YRDC: variants seen among roughly 807,000 people sequenced by gnomAD.
YRDC encodes the protein threonylcarbamoyl-AMP synthase.
Under a neutral mutation model 21.5 loss-of-function variants are expected in YRDC, and 17 were observed. That is an observed-to-expected ratio of 0.79 (90% CI 0.54 to 1.19). The LOEUF is 1.19. Among genes scored for constraint, YRDC ranks in the 50% most tolerant of loss-of-function variants. The pLI is 0.00. For synonymous variants in YRDC, 193 were observed against 176.7 expected (o/e 1.09, Z -0.73); for missense variants, 380 against 397.1 (o/e 0.96, Z 0.37).
Position 37,804,302 on chromosome 1 carries a change from C to A in YRDC, c.767G>T (p.Cys256Phe). 1 of 1,612,740 alleles carries A rather than the reference C, an allele frequency of 6.2e-7. No individual in the cohort carries two copies. Among genetic ancestry groups the A allele is most frequent in the Non-Finnish European group, 8.5e-7 (1 of 1,178,960 alleles). ...PGKFGIIRPG[C>F]ALESTTAILQ... ...CCCACACCACAGGAAAGAGACTTACCAGCCTGGACGAATGATGCCAAACTT... is the reference window on the plus strand; with the variant it reads ...CCCACACCACAGGAAAGAGACTTACAAGCCTGGACGAATGATGCCAAACTT... The change falls in exon 4 of 5, where the codon TGT (cysteine) becomes TTT (phenylalanine). Residue 256 changes from cysteine (C) to phenylalanine (F), a missense_variant and splice_region_variant. Physicochemically the swap from Cys to Phe is radical, Grantham distance 205. Transcript: ENST00000373044.
In YRDC at chr1:37,808,128, A is replaced by C; in HGVS notation, c.53T>G (p.Val18Gly). 6.8e-7 allele frequency: 1 copy of C among 1,468,310 alleles called. No homozygotes were observed. The highest frequency in any genetic ancestry group is 9.0e-7 in the Non-Finnish European group (1 of 1,116,644). 91.0% of individuals were successfully genotyped at this position (1,468,310 alleles called of 1,614,324 possible). A position where few individuals can be genotyped will look rare whatever the true frequency, so the allele number is the denominator to read the frequency against. ...GCCAGCAGGCCCCTCGCTCAACCCC[A>C]CGCTGGCAGCCACCGCGGCCCTCAT... ...RGMRAAVAAS[V>G]GLSEGPAGSR... is the part of the protein sequence containing the mutation. The change falls in exon 1 of 5, where the codon GTG (valine) becomes GGG (glycine). Residue 18 changes from valine (V) to glycine (G), a missense_variant. Transcript: ENST00000373044.
In YRDC at chr1:37,808,162, A is replaced by C. The variant is rs1419071306; in HGVS notation, c.19T>G (p.Cys7Gly). 3.4e-6 allele frequency: 5 copies of C among 1,459,840 alleles called. No homozygotes were observed. The highest frequency in any genetic ancestry group is 3.0e-5 in the East Asian group (1 of 33,140). 90.4% of individuals were successfully genotyped at this position (1,459,840 alleles called of 1,614,324 possible). A position where few individuals can be genotyped will look rare whatever the true frequency, so the allele number is the denominator to read the frequency against. The change falls in exon 1 of 5, where the codon TGC becomes GGC. Residue 7 changes from cysteine (C) to glycine (G), a missense_variant. Cys to Gly is a radical substitution (Grantham distance 159). Transcript: ENST00000373044. ...GCCACCGCGGCCCTCATCCCCCTGC[A>C]CCGACGCGCCGGAGACATCCGCCCA... MSPARR[C>G]RGMRAAVAAS...
At position 37,807,174 on chromosome 1, in the gene YRDC, A is replaced by G; in HGVS notation, c.431T>C (p.Leu144Pro). Residue 144 changes from leucine to proline, a missense_variant, in exon 2 of 5, where the codon CTA (leucine) becomes CCA (proline). Leu to Pro is a moderately conservative substitution (Grantham distance 98). Transcript: ENST00000373044. ...VRVPEGLLKDLLPGPVTLVME... is the reference protein window; with the variant it reads ...VRVPEGLLKDPLPGPVTLVME... ...CACCAGGGTCACTGGTCCTGGCAGT[A>G]GGTCTTTCAGGAGCCCCTCAGGTAC... The G allele has an allele frequency of 1.2e-6, 2 of 1,614,144 alleles. No homozygotes were observed. The highest frequency in any genetic ancestry group is 3.3e-5 in the Admixed American group (2 of 60,038).
At chr1:37,806,107 C>T (rs890688689) in intron 3 of YRDC, among the ~76,000 whole-genome samples, 1 of 151,776 alleles carries the variant, frequency 6.6e-6, no homozygotes, top group Non-Finnish European at 1.5e-5. Flanking sequence ...AGAACAGGGG[C>T]GAGAATCAAA....
At chr1:37,805,917 T>A (rs1244608420) in intron 3 of YRDC, among the ~76,000 whole-genome samples, 1 of 152,218 alleles carries the variant, frequency 6.6e-6, no homozygotes, top group Non-Finnish European at 1.5e-5. Flanking sequence ...TGCTGGATAC[T>A]ATGTGTGATA....
At position 37,808,114 on chromosome 1, in the gene YRDC, C is replaced by T. The variant is rs763215787; in HGVS notation, c.67G>A (p.Gly23Arg). 1.4e-6 allele frequency: 2 copies of T among 1,452,616 alleles called. No individual in the cohort carries two copies. Among genetic ancestry groups the T allele is most frequent in the South Asian group, 2.7e-5 (2 of 75,450 alleles). 90.0% of individuals were successfully genotyped at this position (1,452,616 alleles called of 1,614,324 possible). The change falls in exon 1 of 5, where the codon GGG (glycine) becomes AGG (arginine). Residue 23 changes from glycine to arginine, a missense_variant. By Grantham distance (125) the Gly-to-Arg change is moderately radical. This residue lies in a region of YRDC where 91 missense variants were observed against 64.7 expected (regional missense o/e 1.41). Coordinates refer to ENST00000373044, the MANE Select transcript of YRDC (RefSeq NM_024640.4). Reference sequence around the variant, plus strand: ...CGACCGCTCCGGGAGCCAGCAGGCCCCTCGCTCAACCCCACGCTGGCAGCC... The same window carrying T: ...CGACCGCTCCGGGAGCCAGCAGGCCTCTCGCTCAACCCCACGCTGGCAGCC... ...AVAASVGLSE[G>R]PAGSRSGRLF...
At chr1:37,807,744 C>T in intron 1 of YRDC, 48 bp downstream of exon 1, 3 of 1,431,024 alleles carry the variant, frequency 2.1e-6, no homozygotes, top group South Asian at 1.4e-5. Flanking sequence ...CACCGGAAAC[C>T]CCTCCCGCGG....
intron 3 of YRDC, 95 bp downstream of exon 3, chr1:37,806,762 G>A: frequency 6.4e-7 from 1 of 1,570,328 alleles, no homozygotes; most frequent in Non-Finnish European, 8.7e-7. Flanking sequence ...GAACTCTCAT[G>A]CCTGGCCATC....
chr1:37,805,697 G>C (rs1361639555), intron 3 of YRDC, among the ~76,000 whole-genome samples: 1 of 152,186 alleles, frequency 6.6e-6, no homozygotes, highest in Non-Finnish European at 1.5e-5. Flanking sequence ...TGCACTCTGA[G>C]AATGGGAAGG....
chr1:37,808,139 C>T lies in YRDC; in HGVS notation c.42G>A (p.Val14=), dbSNP rs1194930301. Residue 14 remains valine (V), a synonymous_variant, in exon 1 of 5, where the codon GTG becomes GTA. Transcript: ENST00000373044. ...ARRCRGMRAA[V]AASVGLSEGP... is the part of the protein sequence containing the mutation. ...CCTCGCTCAACCCCACGCTGGCAGC[C>T]ACCGCGGCCCTCATCCCCCTGCACC... 5 of 1,470,192 alleles carry T rather than the reference C, an allele frequency of 3.4e-6. No individual in the cohort carries two copies. The highest frequency in any genetic ancestry group is 2.9e-5 in the African/African-American group (2 of 68,328). 91.1% of individuals were successfully genotyped at this position (1,470,192 alleles called of 1,614,324 possible). A position where few individuals can be genotyped will look rare whatever the true frequency, so the allele number is the denominator to read the frequency against.
intron 1 of YRDC, 70 bp from the exon 2 acceptor site, chr1:37,807,285 G>A: frequency 7.2e-7 from 1 of 1,398,564 alleles, no homozygotes; most frequent in South Asian, 1.2e-5. Flanking sequence ...TAGACTCTAG[G>A]CAGACGTAGA....
chr1:37,805,573 C>T (rs953783982), intron 3 of YRDC, among the ~76,000 whole-genome samples: 2 of 152,214 alleles, frequency 1.3e-5, no homozygotes, highest in Non-Finnish European at 2.9e-5. Flanking sequence ...ATCATAAATA[C>T]CAGTTACTGT....
chr1:37,808,092 C>A lies in YRDC; in HGVS notation c.89G>T (p.Gly30Val). 1.4e-6 allele frequency: 2 copies of A among 1,389,894 alleles called. No individual in the cohort carries two copies. The highest frequency in any genetic ancestry group is 1.9e-6 in the Non-Finnish European group (2 of 1,075,914). The allele number at this position is 1,389,894 out of a possible 1,614,324, so 86.1% of individuals were successfully genotyped here. A position where few individuals can be genotyped will look rare whatever the true frequency, so the allele number is the denominator to read the frequency against. ...GGGACTCGGCGGGCGGAAGAGGCGA[C>A]CGCTCCGGGAGCCAGCAGGCCCCTC... ...LSEGPAGSRS[G>V]RLFRPPSPAP... Residue 30 changes from glycine to valine, a missense_variant, in exon 1 of 5, where the codon GGT becomes GTT. By Grantham distance (109) the Gly-to-Val change is moderately radical. This residue lies in a region of YRDC where 91 missense variants were observed against 64.7 expected (regional missense o/e 1.41). Transcript: ENST00000373044.
intron 1 of YRDC, chr1:37,807,460 T>C: frequency 1.7e-6 from 1 of 587,894 alleles, no homozygotes; most frequent in Non-Finnish European, 3.0e-6. Context: ...ATCATGATAG[T>C]GGGATCAAGC....
chr1:37,807,068 G>A (rs373531793), intron 2 of YRDC, 33 bp downstream of exon 2: 8 of 1,613,988 alleles, frequency 5.0e-6, no homozygotes, highest in Non-Finnish European at 6.8e-6. Flanking sequence ...AAGTGGCCTG[G>A]AGTCTGGGGA....
Position 37,803,993 on chromosome 1 carries a change from G to C in YRDC, c.772C>G (p.Leu258Val). 1 of 1,614,162 alleles carries C rather than the reference G, an allele frequency of 6.2e-7. No homozygotes were observed. Among genetic ancestry groups the C allele is most frequent in the Non-Finnish European group, 8.5e-7 (1 of 1,180,030 alleles). ...KFGIIRPGCALESTTAILQQK... is the reference protein window; with the variant it reads ...KFGIIRPGCAVESTTAILQQK... The stretch of plus-strand genomic sequence containing the variant: ...TGGAGGATGGCTGTAGTACTTTCCA[G>C]GGCACTGAGGAGGAAACAGGACAGT... Residue 258 changes from leucine to valine, a missense_variant, in exon 5 of 5, where the codon CTG becomes GTG. Physicochemically the swap from Leu to Val is conservative, Grantham distance 32. This residue lies in a region of YRDC where 238 missense variants were observed against 236.5 expected (regional missense o/e 1.01). Transcript: ENST00000373044.
In YRDC at chr1:37,807,550, C is replaced by G. The variant is rs998615821; in HGVS notation, c.389+242G>C. On this transcript the variant is annotated intron_variant, in intron 1 of 4. Transcript: ENST00000373044. ...TTTGCTTTTTTCCCGGGGGCCTCCCCAATTAGCACAAATACGCCAAGGGAA... is the reference window on the plus strand; with the variant it reads ...TTTGCTTTTTTCCCGGGGGCCTCCCGAATTAGCACAAATACGCCAAGGGAA... The G allele has an allele frequency of 7.6e-5, 58 of 765,118 alleles. 1 individual carries two copies. In the South Asian group the frequency reaches 1.2e-3, roughly 16 times the overall value. The allele number at this position is 765,118 out of a possible 1,614,324, so 47.4% of individuals were successfully genotyped here. A position where few individuals can be genotyped will look rare whatever the true frequency, so the allele number is the denominator to read the frequency against.
At chr1:37,804,492 C>T (rs1646722380) in intron 3 of YRDC, 48 bp from the exon 4 acceptor site, 1 of 1,570,668 alleles carries the variant, frequency 6.4e-7, no homozygotes, top group Non-Finnish European at 8.7e-7. Context: ...CTGGTGTATC[C>T]AATAATGTCA....
At position 37,808,170 on chromosome 1, in the gene YRDC, G is replaced by T. The variant is rs1211539674; in HGVS notation, c.11C>A (p.Ala4Glu). 1 of 1,455,310 alleles carries T rather than the reference G, an allele frequency of 6.9e-7. No individual in the cohort carries two copies. Among genetic ancestry groups the T allele is most frequent in the South Asian group, 1.3e-5 (1 of 76,108 alleles). 90.1% of individuals were successfully genotyped at this position (1,455,310 alleles called of 1,614,324 possible). MSP[A>E]RRCRGMRAAV... Reference sequence around the variant, plus strand: ...GGCCCTCATCCCCCTGCACCGACGCGCCGGAGACATCCGCCCAGGCCCGCT... The same window carrying T: ...GGCCCTCATCCCCCTGCACCGACGCTCCGGAGACATCCGCCCAGGCCCGCT... Residue 4 changes from alanine to glutamate, a missense_variant, in exon 1 of 5, where the codon GCG becomes GAG. Around this residue, in one of 3 missense-constraint regions of YRDC, gnomAD observed 91 missense variants for 64.7 expected, o/e 1.41. Coordinates refer to ENST00000373044, the MANE Select transcript of YRDC (RefSeq NM_024640.4).
Sources: allele counts gnomAD v4.1 joint callset (sites outside exome capture counted in the v4.1 genomes callset), GRCh38; gene constraint gnomAD v4.1.1; regional missense constraint gnomAD v4.1.1; transcripts MANE v1.5; gene names NCBI Gene and HGNC (gene_info 2026-07-23, HGNC 2026-07-21).